Variants in MAP3K20 observed in about 807,000 individuals in gnomAD.
MAP3K20 encodes the protein mitogen-activated protein kinase kinase kinase 20.
A neutral mutation model predicts 85.7 loss-of-function variants in MAP3K20; 40 were observed. The ratio of observed to expected loss-of-function variants is 0.47; its 90% CI spans 0.36 to 0.61. The LOEUF is 0.61. MAP3K20 is among the 20% of genes least tolerant of loss of function. The pLI, the probability that MAP3K20 is intolerant of heterozygous loss-of-function variation, is 0.00. For synonymous variants in MAP3K20, 325 were observed against 327.7 expected (o/e 0.99, Z 0.09); for missense variants, 817 against 961.7 (o/e 0.85, Z 1.99).
chr2:173,224,379 A>G, intron 11 of MAP3K20: 1 of 985,360 alleles, frequency 1.0e-6, no homozygotes, highest in Non-Finnish European at 1.2e-6. Flanking sequence ...TTTTTTCTTA[A>G]TTTATGTATA....
chr2:173,238,355 A>T lies in MAP3K20; in HGVS notation c.1204-18A>T. ...GTATTACTGGATCATTAATAAAGTC[A>T]TATGATTTTTTTTACAGTCAGCCAT... On this transcript the variant is annotated intron_variant, in intron 14 of 19. Coordinates refer to ENST00000375213, the MANE Select transcript of MAP3K20 (RefSeq NM_016653.3). 1 of 1,602,396 alleles carries T rather than the reference A, an allele frequency of 6.2e-7. No individual in the cohort carries two copies. Among genetic ancestry groups the T allele is most frequent in the Non-Finnish European group, 8.5e-7 (1 of 1,170,534 alleles).
At chr2:173,217,459 T>C (rs1298593239) in intron 11 of MAP3K20, among the ~76,000 whole-genome samples, 1 of 152,250 alleles carries the variant, frequency 6.6e-6, no homozygotes, top group Admixed American at 6.5e-5. Context: ...AAAGAAAAGC[T>C]TATCCTATTT....
At position 173,261,072 on chromosome 2, in the gene MAP3K20, G is replaced by C. The variant is rs1210729581; in HGVS notation, c.1486G>C (p.Val496Leu). The C allele has an allele frequency of 6.2e-7, 1 of 1,613,376 alleles. No homozygotes were observed. Among genetic ancestry groups the C allele is most frequent in the African/African-American group, 1.3e-5 (1 of 74,918 alleles). ...AACTTTTGTTTTTCAGCCACCATTT[G>C]TAATGGAGAAGTGGATTGTAGGAAT... ...EILKMTKPPF[V>L]MEKWIVGIAK... The change falls in exon 18 of 20, where the codon GTA becomes CTA. Residue 496 changes from valine (V) to leucine (L), a missense_variant. By Grantham distance (32) the Val-to-Leu change is conservative (BLOSUM62 1). Coordinates refer to ENST00000375213, the MANE Select transcript of MAP3K20 (RefSeq NM_016653.3).
chr2:173,219,402 A>C (rs576547015), intron 11 of MAP3K20, among the ~76,000 whole-genome samples: 1 of 152,182 alleles, frequency 6.6e-6, no homozygotes, highest in African/African-American at 2.4e-5. Context: ...TTTTCTAATT[A>C]TAGTTGAAGC....
intron 11 of MAP3K20, chr2:173,224,090 A>G (rs1684323312): frequency 1.1e-6 from 1 of 878,158 alleles, no homozygotes; most frequent in Non-Finnish European, 1.4e-6. Context: ...ATCGATGATA[A>G]ATAAAGCAAA....
intron 2 of MAP3K20, 40 bp from the exon 3 acceptor site, chr2:173,169,765 G>A (rs1689946449): frequency 6.3e-7 from 1 of 1,579,486 alleles, no homozygotes; most frequent in South Asian, 1.1e-5. Flanking sequence ...TATTATAAAT[G>A]TGAAATGTTA....
intron 19 of MAP3K20, among the ~76,000 whole-genome samples, chr2:173,265,310 A>T (rs187371215): frequency 9.2e-5 from 14 of 152,226 alleles, no homozygotes; most frequent in African/African-American, 3.1e-4. Flanking sequence ...AACAGAAAAG[A>T]TCTCAGGTGT....
chr2:173,101,984 T>A (rs1559231514), intron 2 of MAP3K20, among the ~76,000 whole-genome samples: 1 of 152,212 alleles, frequency 6.6e-6, no homozygotes, highest in Non-Finnish European at 1.5e-5. Flanking sequence ...AGAAAGTCCT[T>A]TATAATGTAA....
chr2:173,076,655 A>T (rs532554720), intron 1 of MAP3K20, among the ~76,000 whole-genome samples: 1 of 152,350 alleles, frequency 6.6e-6, no homozygotes, highest in South Asian at 2.1e-4. Context: ...ACATGCGTAA[A>T]TGTATCCAGA....
chr2:173,243,217 T>C (rs1684833417), intron 16 of MAP3K20, among the ~76,000 whole-genome samples: 2 of 152,142 alleles, frequency 1.3e-5, no homozygotes, highest in Admixed American at 6.5e-5. Flanking sequence ...ATTTACATGG[T>C]TCCACGGGAG....
intron 8 of MAP3K20, among the ~76,000 whole-genome samples, chr2:173,200,306 T>C (rs150890153): frequency 9.2e-5 from 14 of 152,340 alleles, no homozygotes; most frequent in African/African-American, 3.4e-4. Context: ...TCTGTTGACA[T>C]AGCATAAAGA....
intron 2 of MAP3K20, among the ~76,000 whole-genome samples, chr2:173,134,175 C>T (rs550530782): frequency 1.2e-4 from 18 of 147,064 alleles, no homozygotes; most frequent in African/African-American, 4.5e-4. Flanking sequence ...AGACACCCTC[C>T]TTGTTTTCAA....
chr2:173,222,656 A>G (rs1574132085), intron 11 of MAP3K20: 1 of 985,002 alleles, frequency 1.0e-6, no homozygotes, highest in East Asian at 1.1e-4. Flanking sequence ...TAAAGAGGAA[A>G]TTAAATATTA....
chr2:173,256,634 T>A (rs1443471770), intron 16 of MAP3K20, among the ~76,000 whole-genome samples: 1 of 152,180 alleles, frequency 6.6e-6, no homozygotes, highest in Non-Finnish European at 1.5e-5. Context: ...CCCAAACGTT[T>A]TTATTATTAA....
chr2:173,189,778 T>C (rs1045992755), intron 5 of MAP3K20, among the ~76,000 whole-genome samples: 6 of 152,208 alleles, frequency 3.9e-5, no homozygotes, highest in Non-Finnish European at 8.8e-5. Flanking sequence ...TCTGATTTTA[T>C]CCTTGAGTTC....
Position 173,241,535 on chromosome 2 carries a change from A to G in MAP3K20, c.1359+2039A>G, listed in dbSNP as rs931267099. Reference sequence around the variant, plus strand: ...AGGCTAAAGTGGGAAGGATCACTTGAGCTCAGGAGGTCAAGCCTGCAGTGA... The same window carrying G: ...AGGCTAAAGTGGGAAGGATCACTTGGGCTCAGGAGGTCAAGCCTGCAGTGA... On this transcript the variant is annotated intron_variant, in intron 16 of 19. Coordinates refer to ENST00000375213, the MANE Select transcript of MAP3K20 (RefSeq NM_016653.3). 5.9e-5 allele frequency among the ~76,000 whole-genome samples: 9 copies of G among 152,256 alleles called. 1 individual carries two copies. The East Asian group carries it at 1.5e-3, about 26-fold the overall frequency.
At chr2:173,225,935 T>C in intron 11 of MAP3K20, 1 of 985,056 alleles carries the variant, frequency 1.0e-6, no homozygotes, top group East Asian at 1.1e-4. Context: ...AAAAACTCAT[T>C]GAGATAGCTA....
At chr2:173,213,018 C>A (rs767406283) in intron 10 of MAP3K20, among the ~76,000 whole-genome samples, 6 of 151,778 alleles carry the variant, frequency 4.0e-5, no homozygotes, top group Non-Finnish European at 7.4e-5. Flanking sequence ...ACCCTACAGT[C>A]TAGTTTGTTT....
At chr2:173,091,372 T>C (rs1348421381) in intron 2 of MAP3K20, among the ~76,000 whole-genome samples, 182 bp downstream of exon 2, 1 of 152,052 alleles carries the variant, frequency 6.6e-6, no homozygotes, top group Non-Finnish European at 1.5e-5. Flanking sequence ...CAGCGTGTGC[T>C]TTAGGGTTGA....
Sources: gnomAD v4.1 joint callset for allele counts (sites outside exome capture counted in the v4.1 genomes callset) on GRCh38, gnomAD v4.1.1 for gene constraint, MANE v1.5 for transcripts, NCBI Gene and HGNC (gene_info 2026-07-23, HGNC 2026-07-21) for gene names.